Variants in MED26 observed in about 807,000 individuals in gnomAD.
The protein encoded by MED26 is mediator complex subunit 26, also known as mediator of RNA polymerase II transcription subunit 26.
In MED26, 7 loss-of-function variants were observed where a neutral mutation model predicts 43.7. The observed-to-expected ratio is 0.16, with a 90% confidence interval of 0.09 to 0.30. The LOEUF is 0.30. Ranked by LOEUF, MED26 falls within the 10% of genes least tolerant of loss-of-function variation. The pLI is 1.00. For missense variants in MED26, 784 were observed against 840.6 expected, an observed-to-expected ratio of 0.93 and a Z score of 0.83; for synonymous variants, 375 against 371.1, an observed-to-expected ratio of 1.01 and a Z score of -0.12.
At chr19:16,620,711 G>A (rs572137141) in intron 1 of MED26, among the ~76,000 whole-genome samples, 6 of 152,346 alleles carry the variant, frequency 3.9e-5, no homozygotes, top group South Asian at 4.1e-4. Flanking sequence ...AAGGGAGGCA[G>A]TAGGGATGAC....
Position 16,587,324 on chromosome 19 carries a change from C to G in MED26, c.73-8915G>C, listed in dbSNP as rs1399424615. 1 of 152,378 alleles carries G rather than the reference C, an allele frequency of 6.6e-6. No individual in the cohort carries two copies. Among genetic ancestry groups the G allele is most frequent in the African/African-American group, 2.4e-5 (1 of 41,434 alleles). 9.4% of individuals were successfully genotyped at this position (152,378 alleles called of 1,614,324 possible). A position where few individuals can be genotyped will look rare whatever the true frequency, so the allele number is the denominator to read the frequency against. The stretch of plus-strand genomic sequence containing the variant: ...AGAGGCGGCACCTGCATCCCCACCC[C>G]ACCTCCACCCCAAGACCCCAGCTCT... On this transcript the variant is annotated intron_variant, in intron 1 of 2. Coordinates refer to ENST00000263390, the MANE Select transcript of MED26 (RefSeq NM_004831.5). The surrounding 1 kb of genome is among the most constrained non-coding windows in gnomAD (Gnocchi z 4.9).
chr19:16,583,079 G>A (rs182548564), intron 1 of MED26, among the ~76,000 whole-genome samples: 159 of 152,364 alleles, frequency 1.0e-3, no homozygotes, highest in African/African-American at 3.0e-3. Context: ...GACTCCACAT[G>A]GGGAGCCGCT....
Position 16,575,992 on chromosome 19 carries a change from C to A in MED26, c.*35G>T. On this transcript the variant is annotated 3_prime_UTR_variant, in exon 3 of 3. Coordinates refer to ENST00000263390, the MANE Select transcript of MED26 (RefSeq NM_004831.5). ...TGCCTGCCCGCCCACCCGGCTTCTG[C>A]AAGATGGGAATGCACTTTGTGGCTG... The A allele has an allele frequency of 6.3e-7, 1 of 1,577,772 alleles. No individual in the cohort carries two copies. The highest frequency in any genetic ancestry group is 1.7e-5 in the Admixed American group (1 of 58,550).
intron 1 of MED26, among the ~76,000 whole-genome samples, chr19:16,622,323 G>A (rs74684877): frequency 0.025 from 3,814 of 152,242 alleles, 138 homozygotes; most frequent in Admixed American, 0.083. Context: ...TCCCTATGAG[G>A]CGCCAAGCCC....
chr19:16,609,336 A>AAAAAAAAAAGAG (rs765489188), intron 1 of MED26, among the ~76,000 whole-genome samples: 1 of 142,266 alleles, frequency 7.0e-6, no homozygotes, highest in Non-Finnish European at 1.6e-5. Context: ...AAAAAAAAAA[A>AAAAAAAAAAGAG]AGAGAGAGAA....
chr19:16,624,509 A>T (rs2086265064), intron 1 of MED26: 1 of 152,344 alleles, frequency 6.6e-6, no homozygotes, highest in South Asian at 2.1e-4. Flanking sequence ...GTCTGAACAC[A>T]GGGCATTCAC....
At chr19:16,619,086 AG>A (rs1421988353) in intron 1 of MED26, among the ~76,000 whole-genome samples, 1 of 152,254 alleles carries the variant, frequency 6.6e-6, no homozygotes. Flanking sequence ...AGGGCTGGAC[AG>A]GCCACAGAAT....
intron 1 of MED26, among the ~76,000 whole-genome samples, chr19:16,625,542 G>A (rs542345954): frequency 6.9e-6 from 1 of 144,754 alleles, no homozygotes; most frequent in African/African-American, 2.5e-5. Flanking sequence ...CACTGTCCCC[G>A]TTTTTTTTTT....
chr19:16,581,944 T>G (rs1361310655), intron 1 of MED26, among the ~76,000 whole-genome samples: 1 of 152,216 alleles, frequency 6.6e-6, no homozygotes, highest in Non-Finnish European at 1.5e-5. Context: ...GCTCTACCTG[T>G]AAGGTGCTAG....
rs901475277 is a variant in MED26, at chr19:16,586,610, C to T, written c.73-8201G>A. Among the ~76,000 whole-genome samples, 7 of 152,388 alleles carry T rather than the reference C, an allele frequency of 4.6e-5. No homozygotes were observed. The highest frequency in any genetic ancestry group is 1.9e-4 in the East Asian group (1 of 5,190). ...AGGACCAGGGTGACCCAGGCATGCACGGGCCACCACAGCAGGGCTTCAGAT... is the reference window on the plus strand; with the variant it reads ...AGGACCAGGGTGACCCAGGCATGCATGGGCCACCACAGCAGGGCTTCAGAT... On this transcript the variant is annotated intron_variant, in intron 1 of 2. Coordinates refer to ENST00000263390, the MANE Select transcript of MED26 (RefSeq NM_004831.5). The surrounding 1 kb of genome is among the most constrained non-coding windows in gnomAD (Gnocchi z 5.1).
At chr19:16,623,022 C>G (rs1013385436) in intron 1 of MED26, among the ~76,000 whole-genome samples, 1 of 152,186 alleles carries the variant, frequency 6.6e-6, no homozygotes, top group Non-Finnish European at 1.5e-5. Context: ...CTTTTTACAT[C>G]TGTATCCAGA....
At position 16,628,016 on chromosome 19, in the gene MED26, A is replaced by T; in HGVS notation, c.-73T>A. ...CTGAGGCGGGGGACGGGGGTCACTCACTCGCCGGCCTCCGGGAGCCGGAGC... is the reference window on the plus strand; with the variant it reads ...CTGAGGCGGGGGACGGGGGTCACTCTCTCGCCGGCCTCCGGGAGCCGGAGC... On this transcript the variant is annotated 5_prime_UTR_variant, in exon 1 of 3. It removes the in-frame stop codon of an upstream open reading frame in the 5' UTR. Coordinates refer to ENST00000263390, the MANE Select transcript of MED26 (RefSeq NM_004831.5). 1 of 954,718 alleles carries T rather than the reference A, an allele frequency of 1.0e-6. No individual in the cohort carries two copies. Among genetic ancestry groups the T allele is most frequent in the Non-Finnish European group, 1.4e-6 (1 of 705,290 alleles). 59.1% of individuals were successfully genotyped at this position (954,718 alleles called of 1,614,324 possible). A position where few individuals can be genotyped will look rare whatever the true frequency, so the allele number is the denominator to read the frequency against.
chr19:16,590,989 G>C (rs1355124368), intron 1 of MED26, among the ~76,000 whole-genome samples: 1 of 151,772 alleles, frequency 6.6e-6, no homozygotes, highest in South Asian at 2.1e-4. Context: ...GCAGTGAGCT[G>C]AGATTGCACC....
At chr19:16,616,866 C>A (rs553592612) in intron 1 of MED26, among the ~76,000 whole-genome samples, 1 of 151,978 alleles carries the variant, frequency 6.6e-6, no homozygotes, top group South Asian at 2.1e-4. Context: ...AGGCAGACAC[C>A]CCCCCACTGC....
At position 16,576,510 on chromosome 19, in the gene MED26, T is replaced by G; in HGVS notation, c.1320A>C (p.Lys440Asn). The G allele has an allele frequency of 1.2e-6, 2 of 1,614,222 alleles. No homozygotes were observed. Among genetic ancestry groups the G allele is most frequent in the Non-Finnish European group, 1.7e-6 (2 of 1,180,046 alleles). The change falls in exon 3 of 3, where the codon AAA becomes AAC. Residue 440 changes from lysine to asparagine, a missense_variant. This residue lies in a region of MED26 where 719 missense variants were observed against 730.9 expected (regional missense o/e 0.98). Transcript: ENST00000263390. This position sits in a 1 kb window ranked among gnomAD's most constrained non-coding sequence, Gnocchi z 6.8. The stretch of plus-strand genomic sequence containing the variant: ...CAGGGCTGTCTGCCCGCACTGGCTC[T>G]TTCTGGGTCAGAGGTTTGATCTGTC... ...MTRQIKPLTQ[K>N]EPVRADSPVH...
At chr19:16,588,812 C>T (rs1286545363) in intron 1 of MED26, 3 of 152,266 alleles carry the variant, frequency 2.0e-5, no homozygotes, top group East Asian at 1.9e-4. Flanking sequence ...AGCAGCCCCC[C>T]GCCTGCCTGT....
chr19:16,592,883 C>T (rs1457622224), intron 1 of MED26, among the ~76,000 whole-genome samples: 1 of 152,214 alleles, frequency 6.6e-6, no homozygotes, highest in African/African-American at 2.4e-5. Context: ...GCAACTGTTC[C>T]AAAGGCGGCA....
intron 1 of MED26, among the ~76,000 whole-genome samples, chr19:16,592,061 G>A (rs1426769127): frequency 6.6e-6 from 1 of 152,172 alleles, no homozygotes; most frequent in Non-Finnish European, 1.5e-5. Context: ...CAGGGATGAT[G>A]GGCAGAGGCA....
intron 1 of MED26, chr19:16,611,974 C>T (rs185983502): frequency 3.3e-5 from 5 of 152,096 alleles, no homozygotes; most frequent in Admixed American, 3.3e-4. Flanking sequence ...AATAAACTTC[C>T]AAGAGTAAAA....
Sources: gnomAD v4.1 joint callset for allele counts (sites outside exome capture counted in the v4.1 genomes callset) on GRCh38, gnomAD v4.1.1 for gene constraint, gnomAD v4.1.1 regional missense constraint, Gnocchi (gnomAD v3.1) non-coding constraint, MANE v1.5 for transcripts, NCBI Gene and HGNC (gene_info 2026-07-23, HGNC 2026-07-21) for gene names.